Variants in EYA2 observed in about 807,000 individuals in gnomAD.
EYA2 encodes protein phosphatase EYA2.
Under a neutral mutation model 69.2 loss-of-function variants are expected in EYA2, and 31 were observed. That is an observed-to-expected ratio of 0.45 (90% confidence interval 0.34 to 0.60). The LOEUF is 0.60. Ranked by LOEUF, EYA2 falls within the 20% of genes least tolerant of loss-of-function variation. The pLI, the probability that EYA2 is intolerant of heterozygous loss-of-function variation, is 0.02. For missense variants in EYA2, 622 were observed against 701.2 expected, an observed-to-expected ratio of 0.89 and a Z score of 1.28; for synonymous variants, 257 against 279.4, an observed-to-expected ratio of 0.92 and a Z score of 0.80.
intron 10 of EYA2, among the ~76,000 whole-genome samples, chr20:47,156,035 TACACAC>T (rs146224832): frequency 1.4e-5 from 1 of 70,134 alleles, no homozygotes; most frequent in Non-Finnish European, 2.6e-5. Flanking sequence ...TATATATACA[TACACAC>T]ACACACACAC....
intron 5 of EYA2, among the ~76,000 whole-genome samples, chr20:47,039,313 G>A (rs1984906315): frequency 6.6e-6 from 1 of 152,152 alleles, no homozygotes; most frequent in Admixed American, 6.5e-5. Context: ...ATATTTCATG[G>A]CACATGAAAA....
chr20:46,953,237 C>G (rs1440908978), intron 1 of EYA2, among the ~76,000 whole-genome samples: 1 of 152,112 alleles, frequency 6.6e-6, no homozygotes, highest in Non-Finnish European at 1.5e-5. Context: ...GGCAGATGTA[C>G]TGTTAACCCC....
chr20:47,019,518 G>A (rs1308664086), intron 5 of EYA2, among the ~76,000 whole-genome samples: 4 of 151,184 alleles, frequency 2.6e-5, no homozygotes, highest in South Asian at 2.1e-4. Flanking sequence ...ATAAACTCTC[G>A]AACTACTGAG....
intron 9 of EYA2, chr20:47,117,278 G>A: frequency 1.4e-6 from 1 of 707,560 alleles, no homozygotes; most frequent in Non-Finnish European, 1.7e-6. Context: ...CCAAAGTGCT[G>A]GGGTTACAGG....
intron 4 of EYA2, among the ~76,000 whole-genome samples, chr20:47,011,366 T>C (rs1983047162): frequency 6.6e-6 from 1 of 152,174 alleles, no homozygotes; most frequent in Non-Finnish European, 1.5e-5. Context: ...GCTGTTGATA[T>C]TTTAAACTTG....
intron 14 of EYA2, 43 bp from the exon 15 acceptor site, chr20:47,183,248 G>T (rs200061377): frequency 2.5e-6 from 4 of 1,592,010 alleles, no homozygotes; most frequent in Non-Finnish European, 1.7e-6. Context: ...GCAATCCGGG[G>T]TCCTCACAGA....
At chr20:47,096,991 C>T in intron 8 of EYA2, 94 bp from the exon 9 acceptor site, 1 of 907,338 alleles carries the variant, frequency 1.1e-6, no homozygotes, top group East Asian at 2.5e-5. Context: ...TTTTTCGAGA[C>T]TTCTTTTCCT....
At chr20:47,058,938 A>T (rs1420806214) in intron 5 of EYA2, among the ~76,000 whole-genome samples, 1 of 152,232 alleles carries the variant, frequency 6.6e-6, no homozygotes, top group Non-Finnish European at 1.5e-5. Context: ...ACCCCACAAA[A>T]CAATACACAC....
At chr20:46,903,714 T>C (rs1264853788) in intron 1 of EYA2, among the ~76,000 whole-genome samples, 2 of 152,090 alleles carry the variant, frequency 1.3e-5, no homozygotes, top group African/African-American at 4.8e-5. Context: ...AAACATGAAG[T>C]GTTTGGAACT....
At chr20:47,141,827 G>A (rs1833658269) in intron 9 of EYA2, among the ~76,000 whole-genome samples, 3 of 152,144 alleles carry the variant, frequency 2.0e-5, no homozygotes, top group Non-Finnish European at 4.4e-5. Context: ...CATATCACTG[G>A]CCAAAGCAAG....
intron 9 of EYA2, among the ~76,000 whole-genome samples, chr20:47,112,862 C>CTTTTTTTTTTTTTTTTTTTT (rs11473217): frequency 9.0e-5 from 5 of 55,836 alleles, no homozygotes; most frequent in Non-Finnish European, 1.8e-4. Context: ...ATGTTCACTC[C>CTTTTTTTTTTTTTTTTTTTT]TTTTTTTTTT....
intron 3 of EYA2, 129 bp from the exon 4 acceptor site, chr20:47,004,813 G>GAACATGTATGTTGTCTCTGC: frequency 1.6e-6 from 2 of 1,223,358 alleles, no homozygotes; most frequent in Non-Finnish European, 2.4e-6. Context: ...GGGATTTGGT[G>GAACATGTATGTTGTCTCTGC]AACATGTATG....
At chr20:47,031,409 C>G (rs371419577) in intron 5 of EYA2, among the ~76,000 whole-genome samples, 110 of 152,284 alleles carry the variant, frequency 7.2e-4, no homozygotes, top group African/African-American at 2.6e-3. Flanking sequence ...GATGAGTGGA[C>G]TATGGGGGGA....
chr20:46,916,195 T>C (rs982820417), intron 1 of EYA2, among the ~76,000 whole-genome samples: 2 of 152,316 alleles, frequency 1.3e-5, no homozygotes, highest in East Asian at 3.9e-4. Context: ...TTTCCACTTA[T>C]TTTTTTAAGG....
chr20:46,976,766 G>A (rs1337923089), intron 1 of EYA2, among the ~76,000 whole-genome samples: 1 of 152,156 alleles, frequency 6.6e-6, no homozygotes. Flanking sequence ...ATTCCGTGGG[G>A]AATATAGATT....
At chr20:47,172,107 TA>T (rs200935631) in intron 11 of EYA2, among the ~76,000 whole-genome samples, 31 of 142,084 alleles carry the variant, frequency 2.2e-4, no homozygotes, top group Admixed American at 7.8e-4. Context: ...TCAAAATAAA[TA>T]AAAAAAAATA....
chr20:47,172,305 G>A (rs982652697), intron 11 of EYA2, among the ~76,000 whole-genome samples: 6 of 151,770 alleles, frequency 4.0e-5, no homozygotes, highest in East Asian at 3.9e-4. Flanking sequence ...GTGTGGTGGC[G>A]CACACACGAG....
intron 1 of EYA2, among the ~76,000 whole-genome samples, chr20:46,930,152 G>A (rs1281055791): frequency 2.0e-5 from 3 of 152,226 alleles, no homozygotes; most frequent in Non-Finnish European, 4.4e-5. Flanking sequence ...CAAGTTGACT[G>A]TGGTCCTCCT....
At chr20:46,898,090 CTT>C (rs2146206938) in intron 1 of EYA2, among the ~76,000 whole-genome samples, 1 of 152,122 alleles carries the variant, frequency 6.6e-6, no homozygotes, top group African/African-American at 2.4e-5. Flanking sequence ...CCCCCAGAGA[CTT>C]TTGATAAAGG....
Sources: allele counts gnomAD v4.1 joint callset (sites outside exome capture counted in the v4.1 genomes callset), GRCh38; gene constraint gnomAD v4.1.1; transcripts MANE v1.5; gene names NCBI Gene and HGNC (gene_info 2026-07-23, HGNC 2026-07-21).